SMARCC1: variants seen among roughly 807,000 people sequenced by gnomAD.
SMARCC1 encodes SWI/SNF complex subunit SMARCC1.
Under a neutral mutation model 147.4 loss-of-function variants are expected in SMARCC1, and 43 were observed. The ratio of observed to expected loss-of-function variants is 0.29; its 90% CI spans 0.23 to 0.38. SMARCC1 has a LOEUF of 0.38. Among genes scored for constraint, SMARCC1 ranks in the 10% least tolerant of loss-of-function variants. SMARCC1 has a pLI of 1.00. For synonymous variants in SMARCC1, 495 were observed against 484.4 expected (o/e 1.02, Z -0.29); for missense variants, 1,119 against 1,381.1 (o/e 0.81, Z 3.01).
At chr3:47,646,536 G>C (rs2033123107) in intron 21 of SMARCC1, among the ~76,000 whole-genome samples, 1 of 152,218 alleles carries the variant, frequency 6.6e-6, no homozygotes. Flanking sequence ...AAAACAGTAT[G>C]AAGAAAGGTC....
intron 2 of SMARCC1, among the ~76,000 whole-genome samples, chr3:47,756,166 T>C (rs1050515489): frequency 6.9e-6 from 1 of 144,792 alleles, no homozygotes; most frequent in Non-Finnish European, 1.5e-5. Context: ...AGGGCAATAC[T>C]GCATCTCAAA....
intron 16 of SMARCC1, among the ~76,000 whole-genome samples, chr3:47,677,035 C>T (rs984544994): frequency 2.0e-5 from 3 of 152,066 alleles, no homozygotes; most frequent in Admixed American, 1.3e-4. Flanking sequence ...AATGAGAGCA[C>T]GAATACGCAT....
chr3:47,741,889 G>A (rs1484488772), intron 3 of SMARCC1, among the ~76,000 whole-genome samples: 1 of 151,674 alleles, frequency 6.6e-6, no homozygotes, highest in Non-Finnish European at 1.5e-5. Context: ...GCACCACTAT[G>A]ATGTTTGCCA....
In SMARCC1 at chr3:47,781,861, C is replaced by T. The variant is rs1003159333; in HGVS notation, c.-64G>A. On this transcript the variant is annotated 5_prime_UTR_variant, in exon 1 of 28. Transcript: ENST00000254480. The stretch of plus-strand genomic sequence containing the variant: ...GCCCTCGCGGTGTTTCCCGGTCGTT[C>T]CCGCGCGCACCCCCGCGCGCGTAGC... The T allele has an allele frequency of 3.6e-6, 4 of 1,117,590 alleles. No individual in the cohort carries two copies. Among genetic ancestry groups the T allele is most frequent in the South Asian group, 3.2e-5 (1 of 31,436 alleles). 69.2% of individuals were successfully genotyped at this position (1,117,590 alleles called of 1,614,324 possible).
intron 3 of SMARCC1, among the ~76,000 whole-genome samples, chr3:47,744,179 C>T (rs1409974480): frequency 6.6e-6 from 1 of 151,812 alleles, no homozygotes; most frequent in Non-Finnish European, 1.5e-5. Flanking sequence ...TTTTTGGAGA[C>T]AGCCCAGGCA....
At chr3:47,596,865 GTTCC>G (rs1358467831) in intron 26 of SMARCC1, among the ~76,000 whole-genome samples, 1 of 151,982 alleles carries the variant, frequency 6.6e-6, no homozygotes, top group Non-Finnish European at 1.5e-5. Flanking sequence ...CACTCTGCAA[GTTCC>G]TTCTTTTTTT....
intron 3 of SMARCC1, among the ~76,000 whole-genome samples, chr3:47,739,839 CCCAAGTCA>C (rs1285274132): frequency 3.9e-5 from 6 of 152,124 alleles, no homozygotes; most frequent in Non-Finnish European, 8.8e-5. Context: ...AGAATCAGTC[CCCAAGTCA>C]CTTGCTCTAT....
chr3:47,693,189 G>T, intron 12 of SMARCC1, 52 bp downstream of exon 12: 3 of 1,012,944 alleles, frequency 3.0e-6, no homozygotes, highest in South Asian at 1.3e-5. Flanking sequence ...CAAAGGAGAT[G>T]ACATATTCAA....
chr3:47,778,482 TTTTTG>T (rs1469278271), intron 1 of SMARCC1, among the ~76,000 whole-genome samples: 2 of 151,804 alleles, frequency 1.3e-5, no homozygotes, highest in Admixed American at 1.3e-4. Flanking sequence ...CTGATGTATT[TTTTTG>T]TTTTGTTTTG....
chr3:47,588,149 T>C lies in SMARCC1; in HGVS notation c.*60A>G. ...ACCCAAGAAAGTTGAGGAACACAAGTCTTGTCATCCCCACTCCAGCTCATG... is the reference window on the plus strand; with the variant it reads ...ACCCAAGAAAGTTGAGGAACACAAGCCTTGTCATCCCCACTCCAGCTCATG... On this transcript the variant is annotated 3_prime_UTR_variant, in exon 28 of 28. Coordinates refer to ENST00000254480, the MANE Select transcript of SMARCC1 (RefSeq NM_003074.4). 7.5e-7 allele frequency: 1 copy of C among 1,326,386 alleles called. No individual in the cohort carries two copies. The highest frequency in any genetic ancestry group is 1.1e-6 in the Non-Finnish European group (1 of 934,178). 82.2% of individuals were successfully genotyped at this position (1,326,386 alleles called of 1,614,324 possible). A position where few individuals can be genotyped will look rare whatever the true frequency, so the allele number is the denominator to read the frequency against.
chr3:47,751,367 C>T (rs1327794402), intron 2 of SMARCC1, among the ~76,000 whole-genome samples: 2 of 151,598 alleles, frequency 1.3e-5, no homozygotes, highest in African/African-American at 4.8e-5. Flanking sequence ...ATGGGGAAAC[C>T]CTGTCTCTAC....
intron 2 of SMARCC1, among the ~76,000 whole-genome samples, chr3:47,769,115 G>A (rs542761754): frequency 9.4e-4 from 138 of 147,522 alleles, no homozygotes; most frequent in African/African-American, 3.3e-3. Context: ...GGAGGCTGAG[G>A]CATGAGAATT....
rs763207461 is a variant in SMARCC1 at position 47,680,492 on chromosome 3, G to C, written c.1402C>G (p.Arg468Gly). 6.3e-7 allele frequency: 1 copy of C among 1,584,722 alleles called. No homozygotes were observed. The highest frequency in any genetic ancestry group is 8.6e-7 in the Non-Finnish European group (1 of 1,161,820). ...TTGAAGAACTCAGGAAGAGCACGCC[G>C]TTCAATCACATGAATACTGAAAAGA... is the stretch of plus-strand genomic sequence containing the variant. The part of the protein sequence containing the change: ...FDYNCIHVIE[R>G]RALPEFFNGK... Residue 468 changes from arginine (R) to glycine (G), a missense_variant, in exon 15 of 28, where the codon CGG becomes GGG. By Grantham distance (125) the Arg-to-Gly change is moderately radical. Around this residue, in one of 6 missense-constraint regions of SMARCC1, gnomAD observed 542 missense variants for 611.8 expected, o/e 0.89. Coordinates refer to ENST00000254480, the MANE Select transcript of SMARCC1 (RefSeq NM_003074.4).
intron 25 of SMARCC1, among the ~76,000 whole-genome samples, chr3:47,611,070 G>T (rs1307626105): frequency 1.3e-5 from 2 of 152,174 alleles, no homozygotes; most frequent in Non-Finnish European, 2.9e-5. Context: ...GAGAAATACA[G>T]TATTATATGT....
At chr3:47,628,723 A>G (rs2032846542) in intron 24 of SMARCC1, among the ~76,000 whole-genome samples, 1 of 152,000 alleles carries the variant, frequency 6.6e-6, no homozygotes, top group Non-Finnish European at 1.5e-5. Flanking sequence ...TGCCACTATG[A>G]CTGGCTTAAT....
intron 22 of SMARCC1, among the ~76,000 whole-genome samples, chr3:47,637,504 G>A (rs1175401027): frequency 1.3e-5 from 2 of 152,132 alleles, no homozygotes; most frequent in East Asian, 3.9e-4. Flanking sequence ...CTGAGGTCAG[G>A]AGTTCCAGAC....
intron 26 of SMARCC1, among the ~76,000 whole-genome samples, chr3:47,597,928 T>C (rs1474218196): frequency 6.6e-6 from 1 of 152,156 alleles, no homozygotes; most frequent in Non-Finnish European, 1.5e-5. Flanking sequence ...TGGGAACAGA[T>C]GTAGGCTGGG....
chr3:47,593,530 A>G (rs894439347), intron 26 of SMARCC1, among the ~76,000 whole-genome samples: 4 of 152,220 alleles, frequency 2.6e-5, no homozygotes, highest in African/African-American at 7.2e-5. Flanking sequence ...AAGAGAATCA[A>G]TGTAGTTTTT....
At chr3:47,640,656 G>C (rs1378901164) in intron 21 of SMARCC1, among the ~76,000 whole-genome samples, 1 of 152,062 alleles carries the variant, frequency 6.6e-6, no homozygotes, top group African/African-American at 2.4e-5. Flanking sequence ...AACTCTTAGG[G>C]AAAAGATTAT....
Sources: gnomAD v4.1 joint callset for allele counts (sites outside exome capture counted in the v4.1 genomes callset) on GRCh38, gnomAD v4.1.1 for gene constraint, gnomAD v4.1.1 regional missense constraint, MANE v1.5 for transcripts, NCBI Gene and HGNC (gene_info 2026-07-23, HGNC 2026-07-21) for gene names.